The following PTGER3 variants were observed in gnomAD, a reference collection of about 807,000 sequenced individuals.
PTGER3 encodes prostaglandin E receptor 3, also known as prostaglandin E2 receptor EP3 subtype.
Under a neutral mutation model 34.7 loss-of-function variants are expected in PTGER3, and 22 were observed. The observed-to-expected ratio is 0.63, with a 90% CI of 0.45 to 0.91. The LOEUF (loss-of-function observed/expected upper bound fraction) is 0.91. PTGER3 is among the 40% of genes least tolerant of loss of function. The pLI, the probability that PTGER3 is intolerant of heterozygous loss-of-function variation, is 0.00. For missense variants in PTGER3, 468 were observed against 519.4 expected, an observed-to-expected ratio of 0.90 and a Z score of 0.96; for synonymous variants, 241 against 230.1, an observed-to-expected ratio of 1.05 and a Z score of -0.43.
intron 4 of PTGER3, among the ~76,000 whole-genome samples, chr1:70,927,855 A>T (rs1648267017): frequency 6.6e-6 from 1 of 152,120 alleles, no homozygotes; most frequent in Non-Finnish European, 1.5e-5. Flanking sequence ...ACTGACACAC[A>T]GAGGGGCTAT....
intron 1 of PTGER3, among the ~76,000 whole-genome samples, chr1:71,024,360 A>G (rs1658693088): frequency 6.6e-6 from 1 of 152,156 alleles, no homozygotes; most frequent in Admixed American, 6.6e-5. Context: ...TACAATCTTC[A>G]TATGGATTCC....
At chr1:70,938,643 G>C (rs182828478) in intron 4 of PTGER3, among the ~76,000 whole-genome samples, 1 of 152,182 alleles carries the variant, frequency 6.6e-6, no homozygotes, top group East Asian at 1.9e-4. Context: ...ATGGCAGGAG[G>C]TGAAAGGCAC....
intron 1 of PTGER3, among the ~76,000 whole-genome samples, chr1:71,037,301 C>T (rs1659924449): frequency 6.6e-6 from 1 of 152,212 alleles, no homozygotes; most frequent in South Asian, 2.1e-4. Context: ...TTCCATTTGG[C>T]TTACCATCGA....
At chr1:70,871,513 C>T (rs903643634) in intron 4 of PTGER3, among the ~76,000 whole-genome samples, 16 of 152,102 alleles carry the variant, frequency 1.1e-4, no homozygotes, top group Admixed American at 8.5e-4. Context: ...ATGTCCATGT[C>T]GGTATTCCTG....
chr1:70,918,176 G>A (rs912950190), intron 4 of PTGER3, among the ~76,000 whole-genome samples: 31 of 151,856 alleles, frequency 2.0e-4, no homozygotes, highest in African/African-American at 3.4e-4. Context: ...AAATTGTTCC[G>A]GAAAAACTGA....
chr1:70,870,185 C>T (rs1646132721), intron 4 of PTGER3, among the ~76,000 whole-genome samples: 2 of 152,216 alleles, frequency 1.3e-5, no homozygotes, highest in Non-Finnish European at 2.9e-5. Flanking sequence ...TTATGGCTTG[C>T]ACCCTCTGGA....
chr1:70,936,401 A>G (rs1649236002), intron 4 of PTGER3, among the ~76,000 whole-genome samples: 1 of 152,232 alleles, frequency 6.6e-6, no homozygotes, highest in Non-Finnish European at 1.5e-5. Context: ...TGTTTTATTC[A>G]TTAATTATTT....
intron 4 of PTGER3, among the ~76,000 whole-genome samples, chr1:70,937,633 G>C (rs1439167413): frequency 1.3e-5 from 2 of 152,154 alleles, no homozygotes; most frequent in African/African-American, 4.8e-5. Flanking sequence ...AAGGAAACTT[G>C]TGAGTTAGTC....
At chr1:70,922,280 C>T (rs969096335) in intron 4 of PTGER3, among the ~76,000 whole-genome samples, 2 of 152,068 alleles carry the variant, frequency 1.3e-5, no homozygotes, top group Non-Finnish European at 2.9e-5. Flanking sequence ...TGTCCTAAAG[C>T]AAAATGACTG....
chr1:71,038,360 CT>C, intron 1 of PTGER3, among the ~76,000 whole-genome samples: 1 of 152,114 alleles, frequency 6.6e-6, no homozygotes, highest in Non-Finnish European at 1.5e-5. Flanking sequence ...CCAACATGGC[CT>C]TTTGTTTTTG....
intron 4 of PTGER3, among the ~76,000 whole-genome samples, chr1:70,906,923 A>G (rs943809891): frequency 1.3e-5 from 2 of 152,222 alleles, no homozygotes; most frequent in Non-Finnish European, 2.9e-5. Context: ...ATATAAAGCT[A>G]TCTTCTCATA....
intron 4 of PTGER3, chr1:70,865,729 A>G (rs749633051): frequency 7.3e-7 from 1 of 1,366,152 alleles, no homozygotes; most frequent in Non-Finnish European, 9.8e-7. Context: ...GAAGTTGTGG[A>G]TGTGATGAAG....
intron 4 of PTGER3, among the ~76,000 whole-genome samples, chr1:70,874,573 T>C (rs779093385): frequency 5.3e-5 from 8 of 152,218 alleles, no homozygotes; most frequent in Admixed American, 1.3e-4. Context: ...GTCTGGTTCT[T>C]GCCTCACAAC....
In PTGER3 at chr1:70,946,077, C is replaced by T. The variant is rs574061290; in HGVS notation, c.*23+7686G>A. ...TAGGATGAGAGAGAAAATAAGAGGA[C>T]TCTTGGGATTGTGTTGATATCTGCT... On this transcript the variant is annotated intron_variant, in intron 4 of 4. Transcript: ENST00000370931. Among the ~76,000 whole-genome samples the T allele has an allele frequency of 7.8e-4, 119 of 152,160 alleles. 1 individual carries two copies. The highest frequency in any genetic ancestry group is 4.3e-4 in the Non-Finnish European group (29 of 67,982).
Position 70,852,920 on chromosome 1 carries a change from T to TA in PTGER3, c.*24-62dup. On this transcript the variant is annotated intron_variant, in intron 4 of 4. Transcript: ENST00000370931. ...ATAAATGCACTGTTAATATCTTAAA[T>TA]AAAAATCAAAGGCAATAAATTCTCA... The TA allele has an allele frequency of 1.9e-6, 3 of 1,552,618 alleles. No individual in the cohort carries two copies. In the East Asian group the frequency reaches 6.7e-5, roughly 35 times the overall value.
chr1:70,933,417 C>T (rs1387422871), intron 4 of PTGER3, among the ~76,000 whole-genome samples: 1 of 152,196 alleles, frequency 6.6e-6, no homozygotes, highest in Non-Finnish European at 1.5e-5. Flanking sequence ...ATTATCTTTT[C>T]CCTCAAAGTC....
downstream of PTGER3, among the ~76,000 whole-genome samples, chr1:70,948,713 A>T (rs1230298984): frequency 6.6e-6 from 1 of 152,154 alleles, no homozygotes; most frequent in East Asian, 1.9e-4. Flanking sequence ...TTATACAGAA[A>T]CAGATAAGCA....
chr1:71,040,065 AAG>A (rs925430030), intron 1 of PTGER3, among the ~76,000 whole-genome samples: 3 of 151,600 alleles, frequency 2.0e-5, no homozygotes, highest in Non-Finnish European at 4.4e-5. Flanking sequence ...GAAAGAAAGA[AAG>A]AGAGGGAGGG....
At chr1:70,922,353 GT>G (rs774147779) in intron 4 of PTGER3, among the ~76,000 whole-genome samples, 21,557 of 152,102 alleles carry the variant, frequency 0.14, 1,949 homozygotes, top group East Asian at 0.42. Context: ...TAGATGGTCT[GT>G]GTGAGTCATG....
Sources: allele counts gnomAD v4.1 joint callset (sites outside exome capture counted in the v4.1 genomes callset), GRCh38; gene constraint gnomAD v4.1.1; transcripts MANE v1.5; gene names NCBI Gene and HGNC (gene_info 2026-07-23, HGNC 2026-07-21).